The following SIK3 variants were observed in gnomAD, a reference collection of about 807,000 sequenced individuals.
The protein encoded by SIK3 is SIK family kinase 3.
Under a neutral mutation model 144.2 loss-of-function variants are expected in SIK3, and 28 were observed. The ratio of observed to expected loss-of-function variants is 0.19; its 90% CI spans 0.14 to 0.27. The LOEUF (loss-of-function observed/expected upper bound fraction) is 0.27. SIK3 is among the 10% of genes least tolerant of loss of function. SIK3 has a pLI of 1.00. For missense variants in SIK3, 1,319 were observed against 1,776.0 expected (o/e 0.74, Z 4.62); for synonymous variants, 686 against 676.3 (o/e 1.01, Z -0.22).
intron 3 of SIK3, among the ~76,000 whole-genome samples, chr11:116,930,013 T>C (rs1947509073): frequency 6.6e-6 from 1 of 152,108 alleles, no homozygotes; most frequent in African/African-American, 2.4e-5. Context: ...CCTATAGTTA[T>C]AGATACAAAG....
intron 4 of SIK3, among the ~76,000 whole-genome samples, chr11:116,911,916 C>G (rs1368942599): frequency 6.6e-6 from 1 of 152,064 alleles, no homozygotes; most frequent in Non-Finnish European, 1.5e-5. Flanking sequence ...GATGAATATT[C>G]TAAAGAGTTA....
chr11:117,078,672 G>C (rs893655338), intron 1 of SIK3, among the ~76,000 whole-genome samples: 15 of 151,868 alleles, frequency 9.9e-5, no homozygotes, highest in Admixed American at 6.6e-5. Flanking sequence ...CAAAGTGCTG[G>C]GATTATAGGC....
chr11:117,032,311 A>G (rs2135804061), intron 1 of SIK3, among the ~76,000 whole-genome samples: 1 of 152,246 alleles, frequency 6.6e-6, no homozygotes, highest in South Asian at 2.1e-4. Context: ...AGTATCTCTC[A>G]CTATTTTGGT....
chr11:116,915,156 G>GTGTGTGTGTGTGTGTA (rs1555093387), intron 4 of SIK3, among the ~76,000 whole-genome samples: 6 of 148,092 alleles, frequency 4.1e-5, no homozygotes, highest in East Asian at 2.1e-4. Context: ...GTGTGTGTGT[G>GTGTGTGTGTGTGTGTA]TGTGTATGTG....
In SIK3 at chr11:116,849,276, G is replaced by C; in HGVS notation, c.3663C>G (p.Val1221=). The C allele has an allele frequency of 6.2e-7, 1 of 1,614,180 alleles. No homozygotes were observed. Among genetic ancestry groups the C allele is most frequent in the Non-Finnish European group, 8.5e-7 (1 of 1,180,022 alleles). The change falls in exon 22 of 25, where the codon GTC becomes GTG. Residue 1221 remains valine, a synonymous_variant. Transcript: ENST00000445177. The surrounding 1 kb of genome is among the most constrained non-coding windows in gnomAD (Gnocchi z 4.2). Reference sequence around the variant, plus strand: ...AACTTCTATCCATGCAGTTCCCTATGACAGGCTCTGAGGAGACACAGCAGA... The same window carrying C: ...AACTTCTATCCATGCAGTTCCCTATCACAGGCTCTGAGGAGACACAGCAGA... ...SKNKVPSREP[V]IGNCMDRSSP...
chr11:116,920,173 T>TC (rs1264005426), intron 4 of SIK3, among the ~76,000 whole-genome samples: 1 of 149,536 alleles, frequency 6.7e-6, no homozygotes, highest in Non-Finnish European at 1.5e-5. Context: ...TTTTTTTTTT[T>TC]CAAATAGACC....
At chr11:116,896,213 C>T (rs769876562) in intron 6 of SIK3, 40 bp downstream of exon 6, 1 of 1,608,034 alleles carries the variant, frequency 6.2e-7, no homozygotes, top group East Asian at 2.2e-5. Flanking sequence ...GTCTAACTTT[C>T]ATGAACCCAT....
chr11:116,846,621 A>C lies in SIK3; in HGVS notation c.3953-68T>G, dbSNP rs1315770303. 11 of 1,585,408 alleles carry C rather than the reference A, an allele frequency of 6.9e-6. No homozygotes were observed. The highest frequency in any genetic ancestry group is 9.5e-6 in the Non-Finnish European group (11 of 1,159,888). On this transcript the variant is annotated intron_variant, in intron 23 of 24. Coordinates refer to ENST00000445177, the MANE Select transcript of SIK3 (RefSeq NM_001366686.3). This position sits in a 1 kb window ranked among gnomAD's most constrained non-coding sequence, Gnocchi z 4.1. ...GGGACTAGGAGAGCAAGGGGGAGAG[A>C]GAGGAGGAATTGAAGGCAACCTGTC...
intron 6 of SIK3, among the ~76,000 whole-genome samples, chr11:116,891,520 T>C (rs1387564429): frequency 6.6e-6 from 1 of 152,192 alleles, no homozygotes; most frequent in African/African-American, 2.4e-5. Flanking sequence ...GTATAAAATG[T>C]ACTTTTTTCT....
At chr11:116,950,705 G>A (rs536706218) in intron 3 of SIK3, among the ~76,000 whole-genome samples, 5 of 152,298 alleles carry the variant, frequency 3.3e-5, no homozygotes, top group East Asian at 1.9e-4. Context: ...AATGTTGTCC[G>A]ATTCTAGAAT....
chr11:117,091,682 T>C (rs1332818582), intron 1 of SIK3, among the ~76,000 whole-genome samples: 2 of 152,216 alleles, frequency 1.3e-5, no homozygotes, highest in African/African-American at 2.4e-5. Context: ...TGAGAAAGAA[T>C]ATAAGTTGTT....
chr11:117,082,352 C>T lies in SIK3; in HGVS notation c.273+15791G>A, dbSNP rs563465862. ...CACAAATGTTCAAGACCATATTATTCATAATCGCCAATAAGTAGAAACAAT... is the reference window on the plus strand; with the variant it reads ...CACAAATGTTCAAGACCATATTATTTATAATCGCCAATAAGTAGAAACAAT... On this transcript the variant is annotated intron_variant, in intron 1 of 24. Coordinates refer to ENST00000445177, the MANE Select transcript of SIK3 (RefSeq NM_001366686.3). Among the ~76,000 whole-genome samples, 55 of 144,622 alleles carry T rather than the reference C, an allele frequency of 3.8e-4. No individual in the cohort carries two copies. In the South Asian group the frequency reaches 0.012, roughly 32 times the overall value. The allele number at this position is 144,622 out of a possible 152,430, so 94.9% of individuals were successfully genotyped here.
At chr11:116,925,756 C>T (rs1460673568) in intron 4 of SIK3, among the ~76,000 whole-genome samples, 1 of 152,164 alleles carries the variant, frequency 6.6e-6, no homozygotes, top group Non-Finnish European at 1.5e-5. Context: ...CTTTTCCATG[C>T]CACACACCTT....
intron 1 of SIK3, among the ~76,000 whole-genome samples, chr11:117,012,379 C>T (rs1951299699): frequency 6.6e-6 from 1 of 152,166 alleles, no homozygotes. Flanking sequence ...CCCTGCTTGG[C>T]TTACAGAAGA....
At chr11:117,050,793 GT>G (rs1301363884) in intron 1 of SIK3, among the ~76,000 whole-genome samples, 1 of 152,052 alleles carries the variant, frequency 6.6e-6, no homozygotes, top group Non-Finnish European at 1.5e-5. Context: ...AATGTTCTGG[GT>G]AGATACAAAC....
chr11:116,977,812 C>T (rs1950001476), intron 1 of SIK3, among the ~76,000 whole-genome samples: 1 of 152,128 alleles, frequency 6.6e-6, no homozygotes, highest in Non-Finnish European at 1.5e-5. Context: ...TCATCTTCTT[C>T]CTAGGCACGC....
At chr11:117,058,032 T>G (rs7114746) in intron 1 of SIK3, among the ~76,000 whole-genome samples, 10,810 of 152,074 alleles carry the variant, frequency 0.071, 682 homozygotes, top group African/African-American at 0.17. Context: ...AAGGAACACA[T>G]AAGCTAAGTC....
intron 1 of SIK3, among the ~76,000 whole-genome samples, chr11:117,056,622 G>C (rs1184735662): frequency 6.6e-6 from 1 of 150,714 alleles, no homozygotes; most frequent in East Asian, 2.0e-4. Flanking sequence ...AGAAGTGGCA[G>C]AATGGGATCA....
intron 3 of SIK3, among the ~76,000 whole-genome samples, chr11:116,929,133 T>C (rs1947454037): frequency 1.3e-5 from 2 of 152,152 alleles, no homozygotes; most frequent in Admixed American, 6.5e-5. Context: ...TGGCCATCCA[T>C]CAGAGGTAGA....
Sources: gnomAD v4.1 joint callset for allele counts (sites outside exome capture counted in the v4.1 genomes callset) on GRCh38, gnomAD v4.1.1 for gene constraint, Gnocchi (gnomAD v3.1) non-coding constraint, MANE v1.5 for transcripts, NCBI Gene and HGNC (gene_info 2026-07-23, HGNC 2026-07-21) for gene names.